RUSC2: variants seen among roughly 807,000 people sequenced by gnomAD.
RUSC2 encodes RUN and SH3 domain containing 2.
Under a neutral mutation model 122.2 loss-of-function variants are expected in RUSC2, and 34 were observed. That is an observed-to-expected ratio of 0.28 (90% CI 0.21 to 0.37). The LOEUF is 0.37. Ranked by LOEUF, RUSC2 falls within the 10% of genes least tolerant of loss-of-function variation. The pLI, the probability that RUSC2 is intolerant of heterozygous loss-of-function variation, is 1.00. For missense variants in RUSC2, 1,747 were observed against 1,952.4 expected, an observed-to-expected ratio of 0.89 and a Z score of 1.98; for synonymous variants, 784 against 790.0, an observed-to-expected ratio of 0.99 and a Z score of 0.13.
At chr9:35,502,097 G>T (rs539282877) in intron 1 of RUSC2, among the ~76,000 whole-genome samples, 1 of 152,026 alleles carries the variant, frequency 6.6e-6, no homozygotes, top group South Asian at 2.1e-4. Flanking sequence ...AAAATCACCC[G>T]GATCACCCCT....
chr9:35,525,098 A>G (rs2132522689), intron 1 of RUSC2, among the ~76,000 whole-genome samples: 1 of 152,348 alleles, frequency 6.6e-6, no homozygotes, highest in Non-Finnish European at 1.5e-5. Flanking sequence ...GGCAGGTGGA[A>G]CAGGCTGGCC....
intron 1 of RUSC2, among the ~76,000 whole-genome samples, chr9:35,533,788 A>G (rs887067478): frequency 2.6e-5 from 4 of 152,234 alleles, no homozygotes; most frequent in African/African-American, 9.6e-5. Context: ...TGGAGCATTT[A>G]TCAGGACTTC....
At position 35,546,496 on chromosome 9, in the gene RUSC2, T is replaced by C; in HGVS notation, c.-26T>C. ...CTCCAGGGACAGTGTCTGGTGCTGT[T>C]GAAGCCCTTATTCGAACTTTCCAGA... On this transcript the variant is annotated 5_prime_UTR_variant, in exon 2 of 12. An upstream open reading frame in the 5' UTR loses its in-frame stop. Transcript: ENST00000361226. The surrounding 1 kb of genome is among the most constrained non-coding windows in gnomAD (Gnocchi z 4.3). The C allele has an allele frequency of 7.2e-7, 1 of 1,395,518 alleles. No individual in the cohort carries two copies. 86.4% of individuals were successfully genotyped at this position (1,395,518 alleles called of 1,614,324 possible).
intron 1 of RUSC2, among the ~76,000 whole-genome samples, chr9:35,537,464 C>G (rs953524209): frequency 3.3e-5 from 5 of 152,206 alleles, no homozygotes; most frequent in Non-Finnish European, 7.4e-5. Context: ...AGCCTCCCTC[C>G]TTCCTTCCTT....
intron 1 of RUSC2, among the ~76,000 whole-genome samples, chr9:35,491,095 C>CT (rs1820558851): frequency 7.1e-6 from 1 of 140,382 alleles, no homozygotes; most frequent in South Asian, 2.4e-4. Context: ...GAACACAGGC[C>CT]TTAAAAAAAA....
chr9:35,549,510 T>G (rs1821841399), intron 2 of RUSC2, among the ~76,000 whole-genome samples: 1 of 152,186 alleles, frequency 6.6e-6, no homozygotes, highest in Admixed American at 6.5e-5. Flanking sequence ...ACGTAGTTGA[T>G]CATTAAAATG....
rs111457943 is a variant in RUSC2 at position 35,514,246 on chromosome 9, C to T, written c.-93+24074C>T. Among the ~76,000 whole-genome samples, 475 of 152,006 alleles carry T rather than the reference C, an allele frequency of 3.1e-3. 4 individuals are homozygous for T. Among genetic ancestry groups the T allele is most frequent in the African/African-American group, 0.011 (459 of 41,442 alleles). On this transcript the variant is annotated intron_variant, in intron 1 of 11. Transcript: ENST00000361226. ...TGCTTTGAGAAAATACAACCAGTAGCCTGGGAAGGGCCATTGGATTTGGAA... is the reference window on the plus strand; with the variant it reads ...TGCTTTGAGAAAATACAACCAGTAGTCTGGGAAGGGCCATTGGATTTGGAA...
At position 35,561,784 on chromosome 9, in the gene RUSC2, C is replaced by A; in HGVS notation, c.*402C>A. On this transcript the variant is annotated 3_prime_UTR_variant, in exon 12 of 12. Transcript: ENST00000361226. ...CCTAAGCCCCCCAGCTGTAAATAGGCTGTGGCCAGTGCCTGGTCATCAGAA... is the reference window on the plus strand; with the variant it reads ...CCTAAGCCCCCCAGCTGTAAATAGGATGTGGCCAGTGCCTGGTCATCAGAA... The A allele has an allele frequency of 1.8e-6, 1 of 569,016 alleles. No homozygotes were observed. Among genetic ancestry groups the A allele is most frequent in the Non-Finnish European group, 3.1e-6 (1 of 323,710 alleles). The allele number at this position is 569,016 out of a possible 1,614,324, so 35.2% of individuals were successfully genotyped here. A position where few individuals can be genotyped will look rare whatever the true frequency, so the allele number is the denominator to read the frequency against.
chr9:35,543,701 T>C (rs1821688291), intron 1 of RUSC2, among the ~76,000 whole-genome samples: 1 of 152,102 alleles, frequency 6.6e-6, no homozygotes, highest in South Asian at 2.1e-4. Flanking sequence ...ACTCTTGACC[T>C]CAAATGATCC....
In RUSC2 at chr9:35,555,860, G is replaced by A; in HGVS notation, c.2657-92G>A. The stretch of plus-strand genomic sequence containing the variant: ...GTAGATAATATCCACAGATAATCTA[G>A]TGTTTCATATGGGCCCACTGGGTGG... On this transcript the variant is annotated intron_variant, in intron 3 of 11. Coordinates refer to ENST00000361226, the MANE Select transcript of RUSC2 (RefSeq NM_014806.5). The surrounding 1 kb of genome is among the most constrained non-coding windows in gnomAD (Gnocchi z 4.6). The A allele has an allele frequency of 1.3e-6, 2 of 1,496,124 alleles. No homozygotes were observed. The highest frequency in any genetic ancestry group is 1.8e-6 in the Non-Finnish European group (2 of 1,102,340). The allele number at this position is 1,496,124 out of a possible 1,614,324, so 92.7% of individuals were successfully genotyped here.
In RUSC2 at chr9:35,561,747, T is replaced by TG; in HGVS notation, c.*369dup. ...TGGAGATGAGGATGGGTAACAGTATTGGGGCCAGATCCCTAAGCCCCCCAG... is the reference window on the plus strand; with the variant it reads ...TGGAGATGAGGATGGGTAACAGTATTGGGGGCCAGATCCCTAAGCCCCCCAG... On this transcript the variant is annotated 3_prime_UTR_variant, in exon 12 of 12. Transcript: ENST00000361226. 4 of 546,204 alleles carry TG rather than the reference T, an allele frequency of 7.3e-6. No homozygotes were observed. The Admixed American group carries it at 1.2e-4, about 17-fold the overall frequency. 33.8% of individuals were successfully genotyped at this position (546,204 alleles called of 1,614,324 possible). A position where few individuals can be genotyped will look rare whatever the true frequency, so the allele number is the denominator to read the frequency against.
chr9:35,527,101 A>G (rs1821338857), intron 1 of RUSC2, among the ~76,000 whole-genome samples: 1 of 148,460 alleles, frequency 6.7e-6, no homozygotes, highest in African/African-American at 2.5e-5. Flanking sequence ...TCTCACTTCA[A>G]CTTTGTCTTT....
chr9:35,543,407 G>A (rs1242408274), intron 1 of RUSC2, among the ~76,000 whole-genome samples: 1 of 152,114 alleles, frequency 6.6e-6, no homozygotes, highest in Non-Finnish European at 1.5e-5. Context: ...CGGTGATAGA[G>A]TGAGAACCTG....
At chr9:35,529,017 A>C (rs1821372210) in intron 1 of RUSC2, among the ~76,000 whole-genome samples, 1 of 152,218 alleles carries the variant, frequency 6.6e-6, no homozygotes, top group Non-Finnish European at 1.5e-5. Context: ...CATTGAATAT[A>C]CCTTGTATAC....
intron 1 of RUSC2, among the ~76,000 whole-genome samples, chr9:35,519,990 A>G (rs1821181871): frequency 1.3e-5 from 2 of 152,164 alleles, no homozygotes; most frequent in Admixed American, 1.3e-4. Context: ...GCTGCTGAAT[A>G]CTCAGGACCC....
chr9:35,503,807 C>T (rs1163021418), intron 1 of RUSC2, among the ~76,000 whole-genome samples: 1 of 151,962 alleles, frequency 6.6e-6, no homozygotes, highest in Non-Finnish European at 1.5e-5. Flanking sequence ...CAGAGTTTCA[C>T]TCTGTCATCC....
At chr9:35,542,078 A>T (rs1382606439) in intron 1 of RUSC2, among the ~76,000 whole-genome samples, 1 of 152,188 alleles carries the variant, frequency 6.6e-6, no homozygotes, top group East Asian at 1.9e-4. Context: ...GGGTGGGCAA[A>T]GCATGAGTAC....
chr9:35,494,626 C>G (rs1034916393), intron 1 of RUSC2, among the ~76,000 whole-genome samples: 9 of 151,736 alleles, frequency 5.9e-5, no homozygotes, highest in African/African-American at 2.2e-4. Flanking sequence ...AGTCCTTTGC[C>G]CATTCTTGGA....
Position 35,558,134 on chromosome 9 carries a change from TG to T in RUSC2, c.3061-62del. On this transcript the variant is annotated intron_variant, in intron 6 of 11. Coordinates refer to ENST00000361226, the MANE Select transcript of RUSC2 (RefSeq NM_014806.5). The surrounding 1 kb of genome is among the most constrained non-coding windows in gnomAD (Gnocchi z 4.3). ...CGGCAAGAGGGGAACCATGAGGGCCTGCTACGAGAGGACCACAGTCAGGCCT... is the reference window on the plus strand; with the variant it reads ...CGGCAAGAGGGGAACCATGAGGGCCTCTACGAGAGGACCACAGTCAGGCCT... 6.3e-7 allele frequency: 1 copy of T among 1,595,530 alleles called. No individual in the cohort carries two copies. The highest frequency in any genetic ancestry group is 8.6e-7 in the Non-Finnish European group (1 of 1,169,382).
Sources: allele counts gnomAD v4.1 joint callset (sites outside exome capture counted in the v4.1 genomes callset), GRCh38; gene constraint gnomAD v4.1.1; non-coding constraint Gnocchi (gnomAD v3.1); transcripts MANE v1.5; gene names NCBI Gene and HGNC (gene_info 2026-07-23, HGNC 2026-07-21).